The following KCTD16 variants were observed in gnomAD, a reference collection of about 807,000 sequenced individuals.
KCTD16 encodes potassium channel tetramerization domain containing 16.
Under a neutral mutation model 33.2 loss-of-function variants are expected in KCTD16, and 13 were observed. The ratio of observed to expected loss-of-function variants is 0.39; its 90% CI spans 0.25 to 0.62. The LOEUF (loss-of-function observed/expected upper bound fraction) is 0.62, where lower values mean the gene tolerates loss of function less well. KCTD16 is among the 20% of genes least tolerant of loss of function. KCTD16 has a pLI of 0.50. For synonymous variants in KCTD16, 197 were observed against 195.3 expected (o/e 1.01, Z -0.07); for missense variants, 441 against 525.1 (o/e 0.84, Z 1.57).
At chr5:144,462,082 C>T (rs1364446647) in intron 3 of KCTD16, among the ~76,000 whole-genome samples, 2 of 152,096 alleles carry the variant, frequency 1.3e-5, no homozygotes, top group Admixed American at 6.6e-5. Context: ...CATGGCCTAC[C>T]CTGGCATTTT....
At chr5:144,379,584 T>C (rs1235663495) in intron 3 of KCTD16, among the ~76,000 whole-genome samples, 1 of 152,206 alleles carries the variant, frequency 6.6e-6, no homozygotes, top group Non-Finnish European at 1.5e-5. Context: ...ATGGTTGTTA[T>C]TTTATTTTCA....
At chr5:144,422,066 C>T (rs774266103) in intron 3 of KCTD16, among the ~76,000 whole-genome samples, 1 of 152,162 alleles carries the variant, frequency 6.6e-6, no homozygotes, top group African/African-American at 2.4e-5. Context: ...TTATCACATA[C>T]TCTGACTCTT....
intron 2 of KCTD16, among the ~76,000 whole-genome samples, chr5:144,184,498 C>A (rs1022484148): frequency 6.6e-6 from 1 of 151,994 alleles, no homozygotes; most frequent in African/African-American, 2.4e-5. Context: ...CACTTGAGAC[C>A]CTGATTTCAA....
At chr5:144,183,311 C>T (rs1365429478) in intron 2 of KCTD16, among the ~76,000 whole-genome samples, 1 of 152,134 alleles carries the variant, frequency 6.6e-6, no homozygotes, top group East Asian at 1.9e-4. Flanking sequence ...ATAATTTACT[C>T]ATAGAATAAA....
chr5:144,371,230 C>G (rs1337435724), intron 3 of KCTD16, among the ~76,000 whole-genome samples: 1 of 152,102 alleles, frequency 6.6e-6, no homozygotes, highest in African/African-American at 2.4e-5. Flanking sequence ...CTATTCTTCC[C>G]TTTATCTAAA....
At chr5:144,413,786 TACA>T (rs1752985432) in intron 3 of KCTD16, among the ~76,000 whole-genome samples, 1 of 152,226 alleles carries the variant, frequency 6.6e-6, no homozygotes, top group African/African-American at 2.4e-5. Flanking sequence ...GGGTATAACT[TACA>T]AAAATCTCTG....
At position 144,316,826 on chromosome 5, in the gene KCTD16, C is replaced by CTTTTTTTTTTT. The variant is rs34796022; in HGVS notation, c.832+109290_832+109300dup. Among the ~76,000 whole-genome samples the CTTTTTTTTTTT allele has an allele frequency of 6.6e-4, 73 of 111,158 alleles. 2 individuals are homozygous for CTTTTTTTTTTT. The highest frequency in any genetic ancestry group is 2.4e-3 in the African/African-American group (71 of 29,402). The allele number at this position is 111,158 out of a possible 152,430, so 72.9% of individuals were successfully genotyped here. ...CTGCACCTGGCCCTGGCCAGCATCC[C>CTTTTTTTTTTT]TTTTTTTTTTTTTTTTTTTTGATAC... On this transcript the variant is annotated intron_variant, in intron 3 of 3. Coordinates refer to ENST00000512467, the MANE Select transcript of KCTD16 (RefSeq NM_020768.4).
chr5:144,430,429 A>G (rs1753432514), intron 3 of KCTD16, among the ~76,000 whole-genome samples: 1 of 152,110 alleles, frequency 6.6e-6, no homozygotes, highest in Non-Finnish European at 1.5e-5. Flanking sequence ...GATGCATTTT[A>G]GTAGGAGCCA....
At chr5:144,302,241 T>G (rs1751461114) in intron 3 of KCTD16, among the ~76,000 whole-genome samples, 1 of 152,280 alleles carries the variant, frequency 6.6e-6, no homozygotes, top group Admixed American at 6.5e-5. Context: ...TCAAGCTTAA[T>G]AGTATCACTT....
intron 3 of KCTD16, among the ~76,000 whole-genome samples, chr5:144,446,901 G>T (rs1753831947): frequency 1.3e-5 from 2 of 152,062 alleles, no homozygotes; most frequent in African/African-American, 4.8e-5. Context: ...AAGAAGTCAG[G>T]AAACAACAGA....
intron 3 of KCTD16, among the ~76,000 whole-genome samples, chr5:144,328,531 T>A (rs1274244702): frequency 6.6e-6 from 1 of 152,056 alleles, no homozygotes; most frequent in Non-Finnish European, 1.5e-5. Context: ...TATTTTTTTT[T>A]ATTTTGCAAG....
In KCTD16 at chr5:144,345,862, A is replaced by G. The variant is rs533356862; in HGVS notation, c.833-127798A>G. ...CTTGTGAGTTACAAACAATCTGATT[A>G]TACTCTTTAAGTTATTTAAAAATGG... On this transcript the variant is annotated intron_variant, in intron 3 of 3. Coordinates refer to ENST00000512467, the MANE Select transcript of KCTD16 (RefSeq NM_020768.4). Among the ~76,000 whole-genome samples, 3 of 152,188 alleles carry G rather than the reference A, an allele frequency of 2.0e-5. No homozygotes were observed. The South Asian group carries it at 6.2e-4, about 32-fold the overall frequency.
chr5:144,233,299 C>T (rs1264401637), intron 3 of KCTD16, among the ~76,000 whole-genome samples: 1 of 152,008 alleles, frequency 6.6e-6, no homozygotes, highest in Non-Finnish European at 1.5e-5. Context: ...CTTGTCATTT[C>T]CTTTAATACC....
chr5:144,286,759 C>T (rs745697420), intron 3 of KCTD16, among the ~76,000 whole-genome samples: 1 of 152,074 alleles, frequency 6.6e-6, no homozygotes, highest in Non-Finnish European at 1.5e-5. Context: ...TCATATATAT[C>T]GAGTTACCTA....
intron 2 of KCTD16, chr5:144,205,551 T>A: frequency 2.5e-6 from 1 of 398,712 alleles, no homozygotes; most frequent in Non-Finnish European, 4.4e-6. Flanking sequence ...TGCCGGCAGG[T>A]GGGGTGGCTA....
intron 3 of KCTD16, among the ~76,000 whole-genome samples, chr5:144,253,504 A>G (rs1432596463): frequency 6.6e-6 from 1 of 152,230 alleles, no homozygotes. Flanking sequence ...TAGCTTATTT[A>G]TCAAACATAT....
rs1202350368 is a variant in KCTD16, at chr5:144,484,965, T to A, written c.*10851T>A. 1 of 151,962 alleles carries A rather than the reference T, an allele frequency of 6.6e-6. No homozygotes were observed. The highest frequency in any genetic ancestry group is 1.5e-5 in the Non-Finnish European group (1 of 67,932). 9.4% of individuals were successfully genotyped at this position (151,962 alleles called of 1,614,324 possible). A position where few individuals can be genotyped will look rare whatever the true frequency, so the allele number is the denominator to read the frequency against. ...GTTAAAATGAATGTGCTTATTACAG[T>A]ATAAACATCATTAATTATGGACTCA... is the stretch of plus-strand genomic sequence containing the variant. On this transcript the variant is annotated 3_prime_UTR_variant, in exon 4 of 4. Transcript: ENST00000512467.
chr5:144,308,004 C>A (rs1751654400), intron 3 of KCTD16, among the ~76,000 whole-genome samples: 1 of 152,216 alleles, frequency 6.6e-6, no homozygotes, highest in Non-Finnish European at 1.5e-5. Flanking sequence ...ATTAATCATG[C>A]TGACAGATGG....
chr5:144,334,729 A>G (rs1164356867), intron 3 of KCTD16, among the ~76,000 whole-genome samples: 1 of 152,186 alleles, frequency 6.6e-6, no homozygotes, highest in African/African-American at 2.4e-5. Flanking sequence ...GAGTGCAGTG[A>G]AAGGAACCTG....
Sources: allele counts gnomAD v4.1 joint callset (sites outside exome capture counted in the v4.1 genomes callset), GRCh38; gene constraint gnomAD v4.1.1; transcripts MANE v1.5; gene names NCBI Gene and HGNC (gene_info 2026-07-23, HGNC 2026-07-21).